The following OTOP1 variants were observed in gnomAD, a reference collection of about 807,000 sequenced individuals.
OTOP1 encodes the protein otopetrin 1, also known as proton channel OTOP1.
Under a neutral mutation model 52.9 loss-of-function variants are expected in OTOP1, and 59 were observed. The ratio of observed to expected loss-of-function variants is 1.12; its 90% CI spans 0.91 to 1.39. The LOEUF (loss-of-function observed/expected upper bound fraction) is 1.39. Ranked by LOEUF, OTOP1 falls within the 40% of genes most tolerant of loss-of-function variation. The probability of loss-of-function intolerance (pLI) is 0.00; values close to 1 mark genes in which losing one functional copy is unlikely to be tolerated. For missense variants in OTOP1, 761 were observed against 800.9 expected (o/e 0.95, Z 0.60); for synonymous variants, 317 against 337.7 (o/e 0.94, Z 0.67).
intron 5 of OTOP1, 54 bp downstream of exon 5, chr4:4,197,112 A>C: frequency 6.6e-7 from 1 of 1,521,598 alleles, no homozygotes; most frequent in Non-Finnish European, 8.9e-7. Context: ...CTTGAACCGA[A>C]AATGAAAGTT....
Position 4,188,886 on chromosome 4 carries a change from C to G in OTOP1, c.1756G>C (p.Val586Leu). The G allele has an allele frequency of 6.2e-7, 1 of 1,613,920 alleles. No individual in the cohort carries two copies. Among genetic ancestry groups the G allele is most frequent in the South Asian group, 1.1e-5 (1 of 91,066 alleles). Residue 586 changes from valine (V) to leucine (L), a missense_variant, in exon 6 of 6, where the codon GTG (valine) becomes CTG (leucine). By Grantham distance (32) the Val-to-Leu change is conservative (BLOSUM62 1). Around this residue, in one of 3 missense-constraint regions of OTOP1, gnomAD observed 632 missense variants for 619.5 expected, o/e 1.02. Transcript: ENST00000296358. Reference sequence around the variant, plus strand: ...GAAAAAGGCATGGCCAGGTTGACCACAATTATCCAGGGTTCAAAGCCAAAG... The same window carrying G: ...GAAAAAGGCATGGCCAGGTTGACCAGAATTATCCAGGGTTCAAAGCCAAAG... ...IVFGFEPWIIVVNLAMPFSIF... is the reference protein window; with the variant it reads ...IVFGFEPWIILVNLAMPFSIF...
At chr4:4,206,449 A>C (rs957115989) in intron 2 of OTOP1, among the ~76,000 whole-genome samples, 3 of 152,222 alleles carry the variant, frequency 2.0e-5, no homozygotes, top group Non-Finnish European at 2.9e-5. Flanking sequence ...AGCCTGCTTG[A>C]CATTAATCCT....
At chr4:4,191,824 T>C (rs1018670740) in intron 5 of OTOP1, among the ~76,000 whole-genome samples, 3 of 152,154 alleles carry the variant, frequency 2.0e-5, no homozygotes, top group African/African-American at 4.8e-5. Flanking sequence ...ACCAGAGATC[T>C]TGGTCATTGC....
intron 1 of OTOP1, among the ~76,000 whole-genome samples, chr4:4,218,807 T>C (rs1364350985): frequency 1.3e-5 from 2 of 151,986 alleles, no homozygotes; most frequent in African/African-American, 4.8e-5. Context: ...TGGGCACCTG[T>C]AGTCCCAGCT....
At position 4,200,469 on chromosome 4, in the gene OTOP1, C is replaced by T. The variant is rs1313567265; in HGVS notation, c.730+1979G>A. Among the ~76,000 whole-genome samples the T allele has an allele frequency of 1.2e-3, 104 of 90,434 alleles. 1 individual carries two copies. Among genetic ancestry groups the T allele is most frequent in the Non-Finnish European group, 2.2e-3 (93 of 42,596 alleles). 59.3% of individuals were successfully genotyped at this position (90,434 alleles called of 152,430 possible). ...CCAGCCTGGGCGACGAGCGAGACTC[C>T]GTCTAAAAAAAAAAAAAAATCTGAG... is the stretch of plus-strand genomic sequence containing the variant. On this transcript the variant is annotated intron_variant, in intron 4 of 5. Transcript: ENST00000296358.
intron 4 of OTOP1, among the ~76,000 whole-genome samples, chr4:4,199,615 G>A (rs2916416): frequency 0.6 from 90,404 of 151,890 alleles, 27,358 homozygotes; most frequent in African/African-American, 0.65. Context: ...GTTCCGCCAC[G>A]TTGGCTAGGC....
intron 3 of OTOP1, among the ~76,000 whole-genome samples, chr4:4,204,671 T>G (rs1716857350): frequency 6.6e-6 from 1 of 152,094 alleles, no homozygotes; most frequent in Non-Finnish European, 1.5e-5. Context: ...AAGGGAAGGC[T>G]CTCATGAGCC....
Position 4,197,139 on chromosome 4 carries a change from G to T in OTOP1, c.1668+27C>A, listed in dbSNP as rs1277928979. The stretch of plus-strand genomic sequence containing the variant: ...ATGAAAGTTTAAAGTAAAATTAAAA[G>T]AATAAGAATAACTTGGTGCAGATTA... On this transcript the variant is annotated intron_variant, in intron 5 of 5. Coordinates refer to ENST00000296358, the MANE Select transcript of OTOP1 (RefSeq NM_177998.3). 5.8e-6 allele frequency: 9 copies of T among 1,556,410 alleles called. No homozygotes were observed. The African/African-American group carries it at 1.2e-4, about 21-fold the overall frequency.
chr4:4,218,425 G>T (rs772950945), intron 1 of OTOP1, among the ~76,000 whole-genome samples: 53 of 150,834 alleles, frequency 3.5e-4, no homozygotes, highest in Non-Finnish European at 5.6e-4. Flanking sequence ...GAAAAGGACT[G>T]GATAGGGAAC....
rs76614060 is a variant in OTOP1 at position 4,207,556 on chromosome 4, T to C, written c.541-1426A>G. Among the ~76,000 whole-genome samples, 1,064 of 151,886 alleles carry C rather than the reference T, an allele frequency of 7.0e-3. 6 individuals carry two copies. The highest frequency in any genetic ancestry group is 0.025 in the African/African-American group (1,018 of 41,376). On this transcript the variant is annotated intron_variant, in intron 2 of 5. Coordinates refer to ENST00000296358, the MANE Select transcript of OTOP1 (RefSeq NM_177998.3). ...TTAAATAAATGCTTTTTGCTTTTTT[T>C]TTTAGAATTACCATACGGTCCAGCA...
intron 5 of OTOP1, among the ~76,000 whole-genome samples, chr4:4,191,991 T>G (rs1218834934): frequency 6.6e-6 from 1 of 152,148 alleles, no homozygotes; most frequent in African/African-American, 2.4e-5. Context: ...ATCCACATCT[T>G]TATGTCTGCT....
intron 1 of OTOP1, among the ~76,000 whole-genome samples, chr4:4,224,833 G>C (rs181183889): frequency 7.5e-6 from 1 of 132,462 alleles, no homozygotes; most frequent in Admixed American, 7.4e-5. Flanking sequence ...TTTACAGAAA[G>C]GGGGCCATGG....
At chr4:4,214,769 A>C (rs28599653) in intron 1 of OTOP1, among the ~76,000 whole-genome samples, 6,200 of 152,272 alleles carry the variant, frequency 0.041, 421 homozygotes, top group African/African-American at 0.14. Flanking sequence ...AGACAGAAGT[A>C]GAATGGTGGT....
In OTOP1 at chr4:4,196,350, G is replaced by A. The variant is rs191160336; in HGVS notation, c.1668+816C>T. Reference sequence around the variant, plus strand: ...GTGGATCACTTGAGGTCAGGAGTTCGAAACCAGCCTGGCCAACATGGTGAA... The same window carrying A: ...GTGGATCACTTGAGGTCAGGAGTTCAAAACCAGCCTGGCCAACATGGTGAA... On this transcript the variant is annotated intron_variant, in intron 5 of 5. Transcript: ENST00000296358. Among the ~76,000 whole-genome samples, 182 of 152,238 alleles carry A rather than the reference G, an allele frequency of 1.2e-3. 2 individuals carry two copies. The East Asian group carries it at 0.025, about 21-fold the overall frequency.
chr4:4,217,440 G>A (rs1384561029), intron 1 of OTOP1, among the ~76,000 whole-genome samples: 1 of 152,226 alleles, frequency 6.6e-6, no homozygotes, highest in Non-Finnish European at 1.5e-5. Flanking sequence ...TCCCAGCTAA[G>A]ATGTCGCCCG....
At chr4:4,219,491 G>A (rs1223313462) in intron 1 of OTOP1, among the ~76,000 whole-genome samples, 1 of 151,970 alleles carries the variant, frequency 6.6e-6, no homozygotes, top group East Asian at 1.9e-4. Flanking sequence ...CAGGATGTCG[G>A]GAGATCGAGA....
chr4:4,223,337 G>C (rs943432729), intron 1 of OTOP1, among the ~76,000 whole-genome samples: 62 of 152,184 alleles, frequency 4.1e-4, no homozygotes, highest in Admixed American at 1.9e-3. Context: ...AGGTGCCAAT[G>C]CTCGGAGTCA....
At chr4:4,217,076 T>C (rs1170223583) in intron 1 of OTOP1, among the ~76,000 whole-genome samples, 1 of 152,228 alleles carries the variant, frequency 6.6e-6, no homozygotes, top group Non-Finnish European at 1.5e-5. Flanking sequence ...ATCTCTGTGG[T>C]TGACTTGTCA....
chr4:4,195,963 A>G (rs1716614300), intron 5 of OTOP1, among the ~76,000 whole-genome samples: 1 of 152,214 alleles, frequency 6.6e-6, no homozygotes, highest in Non-Finnish European at 1.5e-5. Flanking sequence ...AGCCCCTAGC[A>G]CACAGCAAGT....
Sources: gnomAD v4.1 joint callset for allele counts (sites outside exome capture counted in the v4.1 genomes callset) on GRCh38, gnomAD v4.1.1 for gene constraint, gnomAD v4.1.1 regional missense constraint, MANE v1.5 for transcripts, NCBI Gene and HGNC (gene_info 2026-07-23, HGNC 2026-07-21) for gene names.